LARS2: variants seen among roughly 807,000 people sequenced by gnomAD.
LARS2 encodes leucyl-tRNA synthetase 2, mitochondrial, also known as leucine--tRNA ligase, mitochondrial.
In LARS2, 81 loss-of-function variants were observed where a neutral mutation model predicts 116.6. The ratio of observed to expected loss-of-function variants is 0.69; its 90% CI spans 0.58 to 0.84. The LOEUF (loss-of-function observed/expected upper bound fraction) is 0.84. Ranked by LOEUF, LARS2 falls within the 40% of genes least tolerant of loss-of-function variation. The probability of loss-of-function intolerance (pLI) is 0.00; values close to 1 mark genes in which losing one functional copy is unlikely to be tolerated. For synonymous variants in LARS2, 396 were observed against 407.2 expected (o/e 0.97, Z 0.33); for missense variants, 968 against 1,114.5 (o/e 0.87, Z 1.87).
At chr3:45,515,884 T>G (rs1177492341) in intron 16 of LARS2, among the ~76,000 whole-genome samples, 1 of 152,206 alleles carries the variant, frequency 6.6e-6, no homozygotes, top group African/African-American at 2.4e-5. Flanking sequence ...TCGCGAAGGT[T>G]TGTGGGAGGA....
chr3:45,436,060 C>T (rs563375382), intron 6 of LARS2, among the ~76,000 whole-genome samples: 7 of 152,186 alleles, frequency 4.6e-5, no homozygotes, highest in South Asian at 2.1e-4. Flanking sequence ...GTCCGTGTCA[C>T]GTATGAAATA....
chr3:45,511,663 TTCTG>T (rs1700291968), intron 15 of LARS2, among the ~76,000 whole-genome samples: 1 of 152,082 alleles, frequency 6.6e-6, no homozygotes, highest in Admixed American at 6.5e-5. Context: ...CAGGTTGCAA[TTCTG>T]TCCGTTCTCG....
At chr3:45,419,089 G>C (rs1462561390) in intron 5 of LARS2, among the ~76,000 whole-genome samples, 1 of 152,086 alleles carries the variant, frequency 6.6e-6, no homozygotes, top group Non-Finnish European at 1.5e-5. Context: ...AAATGAATTA[G>C]TCCTTTTTCT....
chr3:45,508,975 G>C (rs1369906937), intron 15 of LARS2, among the ~76,000 whole-genome samples: 1 of 151,742 alleles, frequency 6.6e-6, no homozygotes, highest in Non-Finnish European at 1.5e-5. Context: ...TGCAATTTCT[G>C]AGTTAGTGCA....
intron 21 of LARS2, among the ~76,000 whole-genome samples, chr3:45,542,615 C>T (rs1700815149): frequency 6.6e-6 from 1 of 152,108 alleles, no homozygotes; most frequent in African/African-American, 2.4e-5. Context: ...ACATGTCTCC[C>T]CGGAACCACA....
intron 4 of LARS2, among the ~76,000 whole-genome samples, chr3:45,410,773 C>G (rs756482873): frequency 6.6e-6 from 1 of 152,234 alleles, no homozygotes; most frequent in African/African-American, 2.4e-5. Context: ...TTCCGCCTTA[C>G]TCTGTACAAG....
intron 8 of LARS2, among the ~76,000 whole-genome samples, chr3:45,473,528 C>G (rs867170327): frequency 2.0e-5 from 3 of 151,746 alleles, no homozygotes; most frequent in Non-Finnish European, 4.4e-5. Context: ...GGACTACAGG[C>G]AAGCACCACC....
At chr3:45,547,219 C>T (rs767155262) in intron 21 of LARS2, 132 bp from the exon 22 acceptor site, 1 of 780,446 alleles carries the variant, frequency 1.3e-6, no homozygotes, top group Non-Finnish European at 2.0e-6. Flanking sequence ...CTGACTTCCT[C>T]CTTTCTCCAC....
chr3:45,460,622 C>G (rs1309534205), intron 8 of LARS2, among the ~76,000 whole-genome samples: 3 of 152,186 alleles, frequency 2.0e-5, no homozygotes, highest in Non-Finnish European at 4.4e-5. Flanking sequence ...CTTTTGAAGT[C>G]AGCACTTGGT....
intron 8 of LARS2, among the ~76,000 whole-genome samples, chr3:45,468,574 G>T (rs1422141750): frequency 1.3e-5 from 2 of 152,204 alleles, no homozygotes; most frequent in Non-Finnish European, 2.9e-5. Context: ...GTCATTAGGA[G>T]AGTTTGGCCT....
In LARS2 at chr3:45,403,960, A is replaced by G. The variant is rs959361915; in HGVS notation, c.363+3587A>G. 1.3e-5 allele frequency among the ~76,000 whole-genome samples: 2 copies of G among 152,352 alleles called. 1 individual carries two copies. The highest frequency in any genetic ancestry group is 4.1e-4 in the South Asian group (2 of 4,830). ...CACAGGGTTATGAGGATTAGATGAGATAGTGCTTGTATCTGGCACATAATA... is the reference window on the plus strand; with the variant it reads ...CACAGGGTTATGAGGATTAGATGAGGTAGTGCTTGTATCTGGCACATAATA... On this transcript the variant is annotated intron_variant, in intron 4 of 21. Coordinates refer to ENST00000645846, the MANE Select transcript of LARS2 (RefSeq NM_015340.4).
Position 45,547,523 on chromosome 3 carries a change from A to C in LARS2, c.2705A>C (p.Gln902Pro). The C allele has an allele frequency of 1.2e-6, 2 of 1,601,418 alleles. No individual in the cohort carries two copies. Among genetic ancestry groups the C allele is most frequent in the South Asian group, 1.1e-5 (1 of 89,230 alleles). ...ACTGCCCTCATCAACTTCCTGGTGC[A>C]AGATTGACAGCCAGGAGGCTGCAGC... is the stretch of plus-strand genomic sequence containing the variant. Reference protein sequence around the residue: ...PRTALINFLVQD With the variant: ...PRTALINFLVPD The change falls in exon 22 of 22, where the codon CAA becomes CCA. Residue 902 changes from glutamine to proline, a missense_variant. By Grantham distance (76) the Gln-to-Pro change is moderately conservative. Coordinates refer to ENST00000645846, the MANE Select transcript of LARS2 (RefSeq NM_015340.4).
intron 6 of LARS2, among the ~76,000 whole-genome samples, chr3:45,444,663 C>CAA (rs1247862635): frequency 0.44 from 36,985 of 83,418 alleles, 9,308 homozygotes; most frequent in East Asian, 0.63. Context: ...GACTCCGTCT[C>CAA]AAAAAAAAAA....
chr3:45,469,816 C>T (rs1699490332), intron 8 of LARS2, among the ~76,000 whole-genome samples: 1 of 151,530 alleles, frequency 6.6e-6, no homozygotes, highest in Non-Finnish European at 1.5e-5. Flanking sequence ...TATATTGTGC[C>T]TCCCCCCCCA....
chr3:45,428,325 G>T (rs1698633273), intron 6 of LARS2, among the ~76,000 whole-genome samples: 1 of 125,242 alleles, frequency 8.0e-6, no homozygotes. Flanking sequence ...CTCACTGCAA[G>T]CTCCACCTCC....
intron 13 of LARS2, among the ~76,000 whole-genome samples, chr3:45,493,067 A>G (rs1376522007): frequency 6.6e-6 from 1 of 151,038 alleles, no homozygotes; most frequent in Non-Finnish European, 1.5e-5. Context: ...GGAGGGCAGA[A>G]CCTAGGCCTT....
intron 6 of LARS2, among the ~76,000 whole-genome samples, chr3:45,426,757 T>C (rs1253457053): frequency 6.6e-6 from 1 of 152,304 alleles, no homozygotes; most frequent in East Asian, 1.9e-4. Context: ...GTCTTCAGCC[T>C]TAACTAAAGA....
intron 2 of LARS2, among the ~76,000 whole-genome samples, chr3:45,393,824 T>G (rs1697998769): frequency 6.6e-6 from 1 of 152,094 alleles, no homozygotes; most frequent in Non-Finnish European, 1.5e-5. Context: ...ACCCTGTCTC[T>G]AAAAAGTAAG....
At chr3:45,484,799 C>CT (rs1699778252) in intron 10 of LARS2, among the ~76,000 whole-genome samples, 1 of 149,990 alleles carries the variant, frequency 6.7e-6, no homozygotes, top group South Asian at 2.1e-4. Context: ...ATACATTTTC[C>CT]TTTTTATATA....
Sources: gnomAD v4.1 joint callset for allele counts (sites outside exome capture counted in the v4.1 genomes callset) on GRCh38, gnomAD v4.1.1 for gene constraint, MANE v1.5 for transcripts, NCBI Gene and HGNC (gene_info 2026-07-23, HGNC 2026-07-21) for gene names.